The following TXNRD3 variants were observed in gnomAD, a reference collection of about 807,000 sequenced individuals.
TXNRD3 encodes TXNRD3 neighbor gene protein.
A neutral mutation model predicts 78.2 loss-of-function variants in TXNRD3; 68 were observed. The observed-to-expected ratio is 0.87, with a 90% CI of 0.72 to 1.06. The LOEUF (loss-of-function observed/expected upper bound fraction) is 1.06, where lower values mean the gene tolerates loss of function less well. Ranked by LOEUF, TXNRD3 falls within the 50% of genes least tolerant of loss-of-function variation. TXNRD3 has a pLI of 0.00. For synonymous variants in TXNRD3, 296 were observed against 300.1 expected (o/e 0.99, Z 0.14); for missense variants, 751 against 809.5 (o/e 0.93, Z 0.88).
intron 1 of TXNRD3, among the ~76,000 whole-genome samples, chr3:126,648,980 A>C (rs971723931): frequency 1.3e-5 from 2 of 152,174 alleles, no homozygotes; most frequent in African/African-American, 4.8e-5. Context: ...TAGCCACGGC[A>C]CTCCAGCCTG....
chr3:126,612,781 A>G (rs1938228899), intron 13 of TXNRD3, among the ~76,000 whole-genome samples: 1 of 152,228 alleles, frequency 6.6e-6, no homozygotes, highest in South Asian at 2.1e-4. Context: ...CTTCTGGTTC[A>G]AAGTGGATGT....
At chr3:126,622,856 C>T (rs1272351719) in intron 10 of TXNRD3, among the ~76,000 whole-genome samples, 1 of 152,082 alleles carries the variant, frequency 6.6e-6, no homozygotes, top group Non-Finnish European at 1.5e-5. Flanking sequence ...TAAAATAGGT[C>T]ATATGGGTGT....
intron 13 of TXNRD3, among the ~76,000 whole-genome samples, chr3:126,613,543 C>A (rs115362857): frequency 1.4e-4 from 21 of 152,348 alleles, no homozygotes; most frequent in African/African-American, 5.1e-4. Context: ...ACTCACACTT[C>A]CTCCCATCCC....
intron 6 of TXNRD3, among the ~76,000 whole-genome samples, chr3:126,638,149 T>C (rs1932954198): frequency 6.6e-6 from 1 of 151,980 alleles, no homozygotes; most frequent in Admixed American, 6.6e-5. Flanking sequence ...TTCATTGTGT[T>C]AGCCAGAATG....
chr3:126,636,480 T>C (rs1189835402), intron 6 of TXNRD3, among the ~76,000 whole-genome samples: 2 of 152,194 alleles, frequency 1.3e-5, no homozygotes, highest in African/African-American at 4.8e-5. Context: ...CTCCACCATG[T>C]GAAGAAGTAT....
intron 1 of TXNRD3, 26 bp from the exon 2 acceptor site, chr3:126,647,322 C>G: frequency 6.7e-7 from 1 of 1,491,938 alleles, no homozygotes; most frequent in Non-Finnish European, 9.0e-7. Context: ...AGCTAAGTTT[C>G]ACTCTCAGAA....
chr3:126,638,935 A>G (rs1932987299), intron 6 of TXNRD3, among the ~76,000 whole-genome samples: 1 of 152,172 alleles, frequency 6.6e-6, no homozygotes, highest in Admixed American at 6.5e-5. Context: ...CTGAGAATGT[A>G]AGACAATGGA....
At chr3:126,621,640 G>A (rs1938458581) in intron 12 of TXNRD3, 102 bp downstream of exon 12, 5 of 1,132,352 alleles carry the variant, frequency 4.4e-6, no homozygotes, top group Non-Finnish European at 6.0e-6. Flanking sequence ...TATCTCTGAG[G>A]AACCCTTTAC....
chr3:126,649,199 C>T (rs185705988), intron 1 of TXNRD3, among the ~76,000 whole-genome samples: 1 of 152,260 alleles, frequency 6.6e-6, no homozygotes, highest in East Asian at 1.9e-4. Flanking sequence ...ATATAGATTT[C>T]TTCAAATAAG....
chr3:126,649,995 A>G (rs998973599), intron 1 of TXNRD3, among the ~76,000 whole-genome samples: 2 of 152,212 alleles, frequency 1.3e-5, no homozygotes, highest in African/African-American at 2.4e-5. Context: ...TAAAAATGGT[A>G]AGTTTTATGT....
chr3:126,621,812 T>C lies in TXNRD3; in HGVS notation c.1454A>G (p.Glu485Gly). The change falls in exon 12 of 16, where the codon GAG becomes GGG. Residue 485 changes from glutamate (E) to glycine (G), a missense_variant. Physicochemically the swap from Glu to Gly is moderately conservative, Grantham distance 98. Transcript: ENST00000524230. ...TGACTGTATGGCGACAGGAGTGAGC[T>C]CTGGCTTATCCTCCAAAATATCACC... 1 of 1,535,858 alleles carries C rather than the reference T, an allele frequency of 6.5e-7. No individual in the cohort carries two copies. Among genetic ancestry groups the C allele is most frequent in the Non-Finnish European group, 8.7e-7 (1 of 1,146,828 alleles).
rs1231418360 is a variant in TXNRD3 at position 126,607,939 on chromosome 3, C to A, written c.1898G>T (p.Gly633Val). ...GCAGCCTTTCTGAGTGATGTCTAGT[C>A]CTGACGACTTTGTGATTTCCAAAGT... The change falls in exon 16 of 16, where the codon GGA becomes GTA. Residue 633 changes from glycine (G) to valine (V), a missense_variant. Coordinates refer to ENST00000524230, the MANE Select transcript of TXNRD3 (RefSeq NM_052883.3). The A allele has an allele frequency of 1.3e-6, 2 of 1,508,510 alleles. No homozygotes were observed. The allele number at this position is 1,508,510 out of a possible 1,614,324, so 93.4% of individuals were successfully genotyped here.
chr3:126,610,959 A>AT, intron 14 of TXNRD3, 78 bp downstream of exon 14: 1 of 977,466 alleles, frequency 1.0e-6, no homozygotes, highest in Non-Finnish European at 1.4e-6. Context: ...AAAAAAAAAA[A>AT]TTATAGAAAT....
chr3:126,608,464 A>G, intron 15 of TXNRD3, 35 bp downstream of exon 15: 1 of 1,508,656 alleles, frequency 6.6e-7, no homozygotes, highest in Non-Finnish European at 8.8e-7. Context: ...AACTACATCA[A>G]CTGAAGCCAA....
chr3:126,612,455 T>C (rs1938221099), intron 13 of TXNRD3, among the ~76,000 whole-genome samples: 2 of 152,192 alleles, frequency 1.3e-5, no homozygotes, highest in Admixed American at 1.3e-4. Context: ...AAAGAGATGG[T>C]ACAAACTCTT....
At chr3:126,627,471 T>G (rs901920347) in intron 10 of TXNRD3, among the ~76,000 whole-genome samples, 2 of 152,188 alleles carry the variant, frequency 1.3e-5, no homozygotes, top group African/African-American at 4.8e-5. Flanking sequence ...GGAGTGTGGA[T>G]TACATGAACG....
chr3:126,608,238 G>A (rs938236112), intron 15 of TXNRD3, among the ~76,000 whole-genome samples: 5 of 152,106 alleles, frequency 3.3e-5, no homozygotes. Flanking sequence ...GTGCACACCT[G>A]TAGTCCCAGC....
intron 2 of TXNRD3, 24 bp from the exon 3 acceptor site, chr3:126,646,244 T>C (rs1474700766): frequency 2.0e-6 from 3 of 1,482,428 alleles, no homozygotes; most frequent in East Asian, 5.0e-5. Context: ...AAACTATATA[T>C]AAAAACACTG....
intron 12 of TXNRD3, among the ~76,000 whole-genome samples, chr3:126,616,163 A>G (rs1938315607): frequency 6.6e-6 from 1 of 152,208 alleles, no homozygotes; most frequent in Non-Finnish European, 1.5e-5. Flanking sequence ...TTGGGAGAAG[A>G]GAGGGCCTCT....
Sources: gnomAD v4.1 joint callset for allele counts (sites outside exome capture counted in the v4.1 genomes callset) on GRCh38, gnomAD v4.1.1 for gene constraint, MANE v1.5 for transcripts, NCBI Gene and HGNC (gene_info 2026-07-23, HGNC 2026-07-21) for gene names.